Variants in SNRPN observed in about 807,000 individuals in gnomAD.
SNRPN encodes small nuclear ribonucleoprotein polypeptide N, also known as small nuclear ribonucleoprotein-associated protein N.
Under a neutral mutation model 25.2 loss-of-function variants are expected in SNRPN, and 7 were observed. The observed-to-expected ratio is 0.28, with a 90% confidence interval of 0.16 to 0.52. The LOEUF (loss-of-function observed/expected upper bound fraction) is 0.52. Among genes scored for constraint, SNRPN ranks in the 20% least tolerant of loss-of-function variants. SNRPN has a pLI of 0.96. For synonymous variants in SNRPN, 124 were observed against 110.6 expected (o/e 1.12, Z -0.76); for missense variants, 196 against 322.5 (o/e 0.61, Z 3.00).
chr15:24,894,064 G>A (rs2150871855), intron 2 of SNRPN, among the ~76,000 whole-genome samples: 1 of 152,254 alleles, frequency 6.6e-6, no homozygotes, highest in South Asian at 2.1e-4. Flanking sequence ...TACTCCCCCT[G>A]AGAGCTGGCA....
chr15:24,975,521 T>G lies in SNRPN; in HGVS notation c.155+12T>G. 1.2e-6 allele frequency: 2 copies of G among 1,611,012 alleles called. No homozygotes were observed. The highest frequency in any genetic ancestry group is 1.7e-6 in the Non-Finnish European group (2 of 1,178,240). On this transcript the variant is annotated intron_variant, in intron 5 of 9. Coordinates refer to ENST00000390687, the MANE Select transcript of SNRPN (RefSeq NM_003097.6). Reference sequence around the variant, plus strand: ...TTCAGAAAGATCAAGTAAGGCTGATTTGGGCAAATGGGGGTTGGACACAGA... The same window carrying G: ...TTCAGAAAGATCAAGTAAGGCTGATGTGGGCAAATGGGGGTTGGACACAGA...
At chr15:24,935,408 A>G (rs1486407237) in intron 3 of SNRPN, among the ~76,000 whole-genome samples, 1 of 152,198 alleles carries the variant, frequency 6.6e-6, no homozygotes, top group Admixed American at 6.5e-5. Flanking sequence ...TGAAGGGTTC[A>G]AGCTGAGAAC....
chr15:24,902,111 G>A (rs1228243059), intron 2 of SNRPN, among the ~76,000 whole-genome samples: 6 of 152,194 alleles, frequency 3.9e-5, no homozygotes, highest in Non-Finnish European at 8.8e-5. Flanking sequence ...CATTTCCGTT[G>A]CATTTTTGTG....
intron 1 of SNRPN, among the ~76,000 whole-genome samples, chr15:24,874,592 C>T (rs2055661107): frequency 6.6e-6 from 1 of 152,146 alleles, no homozygotes; most frequent in South Asian, 2.1e-4. Context: ...ATTGTAAAAA[C>T]AAAGTTTGCC....
At chr15:24,863,433 C>T (rs1252240759) in intron 1 of SNRPN, among the ~76,000 whole-genome samples, 2 of 148,976 alleles carry the variant, frequency 1.3e-5, no homozygotes, top group East Asian at 2.0e-4. Context: ...CCTTGTAGGC[C>T]ACTGTCTCCA....
At chr15:24,883,534 C>T (rs928404950) in intron 1 of SNRPN, among the ~76,000 whole-genome samples, 1 of 152,198 alleles carries the variant, frequency 6.6e-6, no homozygotes, top group African/African-American at 2.4e-5. Context: ...CTCCACCAGG[C>T]TTTACACCTG....
At chr15:24,907,268 C>G (rs548658221) in intron 2 of SNRPN, among the ~76,000 whole-genome samples, 8 of 152,172 alleles carry the variant, frequency 5.3e-5, no homozygotes, top group Admixed American at 4.6e-4. Flanking sequence ...GGAATAATCC[C>G]CACTGCTATG....
At chr15:24,881,366 T>TACAA (rs1309478387) in intron 1 of SNRPN, among the ~76,000 whole-genome samples, 5 of 108,084 alleles carry the variant, frequency 4.6e-5, no homozygotes. Flanking sequence ...CTACTAAAAA[T>TACAA]ACAAAAAAAA....
intron 3 of SNRPN, among the ~76,000 whole-genome samples, chr15:24,942,824 T>C (rs1254098439): frequency 6.6e-6 from 1 of 152,126 alleles, no homozygotes; most frequent in Non-Finnish European, 1.5e-5. Context: ...CATAGTTAGG[T>C]TGGTCTTGGT....
At chr15:24,914,680 G>A (rs1234179941) in intron 2 of SNRPN, among the ~76,000 whole-genome samples, 2 of 152,170 alleles carry the variant, frequency 1.3e-5, no homozygotes, top group Non-Finnish European at 2.9e-5. Context: ...TAGGAATAAA[G>A]ACAAGGTTTC....
intron 3 of SNRPN, among the ~76,000 whole-genome samples, chr15:24,972,058 C>G (rs755656383): frequency 5.9e-5 from 9 of 152,088 alleles, no homozygotes; most frequent in Non-Finnish European, 1.0e-4. Context: ...GAGTTCGAGA[C>G]TAGCCTGGCC....
At chr15:24,868,296 TTAAC>T (rs1483813479) in intron 1 of SNRPN, among the ~76,000 whole-genome samples, 1 of 152,170 alleles carries the variant, frequency 6.6e-6, no homozygotes, top group Non-Finnish European at 1.5e-5. Context: ...GGAGTTTGAA[TTAAC>T]TGTAAATTTA....
chr15:24,879,589 G>A lies in SNRPN; in HGVS notation c.-578-6927G>A, dbSNP rs116350244. ...AAAGCAGCAATTAGTGGCGAAGTGT[G>A]AATACAAAACCAGTCTTCTTTCTGC... On this transcript the variant is annotated intron_variant, in intron 1 of 11. Coordinates refer to the SNRPN transcript ENST00000400097. Among the ~76,000 whole-genome samples the A allele has an allele frequency of 2.0e-3, 297 of 152,300 alleles. 1 individual carries two copies. The highest frequency in any genetic ancestry group is 6.9e-3 in the African/African-American group (285 of 41,564).
intron 7 of SNRPN, among the ~76,000 whole-genome samples, 172 bp from the exon 8 acceptor site, chr15:24,977,606 C>G (rs567993070): frequency 6.6e-6 from 1 of 152,186 alleles, no homozygotes; most frequent in East Asian, 1.9e-4. Context: ...CCATTACACT[C>G]CAGCCTGGGT....
At chr15:24,942,946 A>G (rs2061645466) in intron 3 of SNRPN, among the ~76,000 whole-genome samples, 1 of 151,870 alleles carries the variant, frequency 6.6e-6, no homozygotes, top group Non-Finnish European at 1.5e-5. Context: ...GACTGTACAT[A>G]TGAAACAGGT....
intron 2 of SNRPN, among the ~76,000 whole-genome samples, chr15:24,903,457 A>C (rs1016892727): frequency 3.3e-5 from 5 of 152,192 alleles, no homozygotes; most frequent in African/African-American, 1.2e-4. Context: ...CTAAGGGCCA[A>C]AGGAAATGGT....
intron 1 of SNRPN, among the ~76,000 whole-genome samples, chr15:24,874,939 G>C (rs764344972): frequency 1.3e-5 from 2 of 152,112 alleles, no homozygotes; most frequent in African/African-American, 2.4e-5. Context: ...TCATAGAAGT[G>C]ATATAAGACT....
intron 3 of SNRPN, among the ~76,000 whole-genome samples, chr15:24,934,735 T>C (rs2061116277): frequency 6.6e-6 from 1 of 152,176 alleles, no homozygotes; most frequent in South Asian, 2.1e-4. Context: ...TTTTGTATTT[T>C]TGGTAGAGAC....
upstream of SNRPN, among the ~76,000 whole-genome samples, chr15:24,854,498 A>G (rs1439084747): frequency 1.3e-5 from 2 of 152,198 alleles, no homozygotes; most frequent in African/African-American, 4.8e-5. Context: ...GATTGCTCAT[A>G]TTTCTTAGAA....
Sources: gnomAD v4.1 joint callset for allele counts (sites outside exome capture counted in the v4.1 genomes callset) on GRCh38, gnomAD v4.1.1 for gene constraint, MANE v1.5 for transcripts, NCBI Gene and HGNC (gene_info 2026-07-23, HGNC 2026-07-21) for gene names.